BRIP1: variants seen among roughly 807,000 people sequenced by gnomAD.
BRIP1 encodes the protein Fanconi anemia group J protein.
BRIP1 carries 88 observed loss-of-function variants against 119.7 expected under a neutral mutation model. The observed-to-expected ratio is 0.74, with a 90% CI of 0.62 to 0.88. The LOEUF is 0.88. Ranked by LOEUF, BRIP1 falls within the 40% of genes least tolerant of loss-of-function variation. The probability of loss-of-function intolerance (pLI) is 0.00; values close to 1 mark genes in which losing one functional copy is unlikely to be tolerated. For missense variants in BRIP1, 1,259 were observed against 1,455.4 expected (o/e 0.87, Z 2.20); for synonymous variants, 443 against 496.5 (o/e 0.89, Z 1.43).
rs896678468 is a variant in BRIP1 at position 61,746,357 on chromosome 17, C to T, written c.2098-1766G>A. Among the ~76,000 whole-genome samples, 5 of 152,026 alleles carry T rather than the reference C, an allele frequency of 3.3e-5. No homozygotes were observed. The highest frequency in any genetic ancestry group is 2.1e-4 in the South Asian group (1 of 4,816). On this transcript the variant is annotated intron_variant, in intron 14 of 19. Coordinates refer to ENST00000259008, the MANE Select transcript of BRIP1 (RefSeq NM_032043.3). This position sits in a 1 kb window ranked among gnomAD's most constrained non-coding sequence, Gnocchi z 4.9. The stretch of plus-strand genomic sequence containing the variant: ...AAATGATAATAATGTCTTTCCCTAT[C>T]GGTCATTACTTTAAATGTAAATGGA...
intron 10 of BRIP1, among the ~76,000 whole-genome samples, chr17:61,792,452 T>C (rs1444089697): frequency 6.6e-6 from 1 of 152,160 alleles, no homozygotes; most frequent in East Asian, 1.9e-4. Context: ...GGATAAACTG[T>C]GGTACATCCA....
At position 61,857,067 on chromosome 17, in the gene BRIP1, T is replaced by C. The variant is rs45617634; in HGVS notation, c.370A>G (p.Thr124Ala). 1.7e-5 allele frequency: 28 copies of C among 1,614,044 alleles called. 1 individual carries two copies. Among genetic ancestry groups the C allele is most frequent in the Admixed American group, 8.3e-5 (5 of 60,026 alleles). Reference protein sequence around the residue: ...PPSERNGTSSTCQDSPEKTTL... With the variant: ...PPSERNGTSSACQDSPEKTTL... ...GCAAAATATAAATTACCTTGACAAG[T>C]TGATGAAGTGCCATTTCTTTCAGAA... Residue 124 changes from threonine (T) to alanine (A), a missense_variant, in exon 4 of 20, where the codon ACT (threonine) becomes GCT (alanine). Transcript: ENST00000259008. The surrounding 1 kb of genome is among the most constrained non-coding windows in gnomAD (Gnocchi z 5.1).
chr17:61,697,503 G>A (rs998186100), intron 17 of BRIP1, among the ~76,000 whole-genome samples: 1 of 151,720 alleles, frequency 6.6e-6, no homozygotes, highest in Non-Finnish European at 1.5e-5. Context: ...TTTCTGTAAG[G>A]TAGTAACATC....
rs2144303806 is a variant in BRIP1, at chr17:61,706,667, C to A, written c.2492+9284G>T. 1.3e-5 allele frequency among the ~76,000 whole-genome samples: 2 copies of A among 152,242 alleles called. No homozygotes were observed. Among genetic ancestry groups the A allele is most frequent in the Middle Eastern group, 3.4e-3 (1 of 294 alleles). On this transcript the variant is annotated intron_variant, in intron 17 of 19. Coordinates refer to ENST00000259008, the MANE Select transcript of BRIP1 (RefSeq NM_032043.3). This position sits in a 1 kb window ranked among gnomAD's most constrained non-coding sequence, Gnocchi z 5.7. ...TCTCTCCTGTGGAAGATGTTTATTT[C>A]TCTTATACCACTGATACTTCACCAT...
rs1355813590 is a variant in BRIP1 at position 61,684,320 on chromosome 17, T to G, written c.2906-180A>C. 2.0e-5 allele frequency among the ~76,000 whole-genome samples: 3 copies of G among 152,234 alleles called. No individual in the cohort carries two copies. Among genetic ancestry groups the G allele is most frequent in the African/African-American group, 7.2e-5 (3 of 41,460 alleles). On this transcript the variant is annotated intron_variant, in intron 19 of 19. Transcript: ENST00000259008. This position sits in a 1 kb window ranked among gnomAD's most constrained non-coding sequence, Gnocchi z 4.5. ...AGAATATTAACTCTGAAAGAAATCT[T>G]AGGTCTCTAATGTTTCCTAGCCCAA...
rs1446010854 is a variant in BRIP1 at position 61,809,156 on chromosome 17, C to T, written c.628-399G>A. Among the ~76,000 whole-genome samples, 1 of 152,152 alleles carries T rather than the reference C, an allele frequency of 6.6e-6. No homozygotes were observed. Among genetic ancestry groups the T allele is most frequent in the East Asian group, 1.9e-4 (1 of 5,196 alleles). On this transcript the variant is annotated intron_variant, in intron 6 of 19. Coordinates refer to ENST00000259008, the MANE Select transcript of BRIP1 (RefSeq NM_032043.3). This position sits in a 1 kb window ranked among gnomAD's most constrained non-coding sequence, Gnocchi z 5.2. ...AGTTTAGAGTTAATAGTTTTGTTCACAGCATAGTTCATTCAAATATTCCTT... is the reference window on the plus strand; with the variant it reads ...AGTTTAGAGTTAATAGTTTTGTTCATAGCATAGTTCATTCAAATATTCCTT...
chr17:61,788,929 A>AT (rs2077774133), intron 10 of BRIP1, among the ~76,000 whole-genome samples: 1 of 152,056 alleles, frequency 6.6e-6, no homozygotes, highest in Non-Finnish European at 1.5e-5. Context: ...GCCCGTCTCT[A>AT]CAAAAAAATA....
intron 6 of BRIP1, among the ~76,000 whole-genome samples, chr17:61,836,619 T>C (rs1158587612): frequency 6.6e-6 from 1 of 152,188 alleles, no homozygotes; most frequent in Non-Finnish European, 1.5e-5. Context: ...TGCCAGATGC[T>C]GGTTATAAAA....
At chr17:61,811,468 C>T (rs1343094548) in intron 6 of BRIP1, among the ~76,000 whole-genome samples, 1 of 151,862 alleles carries the variant, frequency 6.6e-6, no homozygotes, top group Non-Finnish European at 1.5e-5. Context: ...GGTGATCCGC[C>T]TGCATCGGCC....
Position 61,726,697 on chromosome 17 carries a change from T to C in BRIP1, c.2380-10634A>G, listed in dbSNP as rs928477107. 2.0e-5 allele frequency among the ~76,000 whole-genome samples: 3 copies of C among 152,312 alleles called. No homozygotes were observed. Among genetic ancestry groups the C allele is most frequent in the Middle Eastern group, 3.4e-3 (1 of 294 alleles). On this transcript the variant is annotated intron_variant, in intron 16 of 19. Transcript: ENST00000259008. The surrounding 1 kb of genome is among the most constrained non-coding windows in gnomAD (Gnocchi z 6.2). ...GTTTTGAAACAAATATTTTAAAAAA[T>C]AACTTCTACAATTGATCTTAAATTT...
intron 14 of BRIP1, among the ~76,000 whole-genome samples, chr17:61,765,378 A>AT (rs1461765885): frequency 2.7e-5 from 1 of 36,594 alleles, no homozygotes; most frequent in East Asian, 1.2e-3. Context: ...GTGTGTATAT[A>AT]TTATATATAT....
At chr17:61,819,513 T>C (rs1208181319) in intron 6 of BRIP1, among the ~76,000 whole-genome samples, 3 of 152,194 alleles carry the variant, frequency 2.0e-5, no homozygotes, top group Admixed American at 1.3e-4. Context: ...ATGAAGAGAA[T>C]GTGGCACATA....
intron 6 of BRIP1, among the ~76,000 whole-genome samples, chr17:61,830,174 T>TA (rs1393976457): frequency 2.0e-5 from 3 of 151,884 alleles, no homozygotes; most frequent in East Asian, 3.9e-4. Flanking sequence ...CCTCAGGTGA[T>TA]ACGCTCGCCT....
At position 61,841,253 on chromosome 17, in the gene BRIP1, G is replaced by A. The variant is rs974076122; in HGVS notation, c.627+5848C>T. Among the ~76,000 whole-genome samples, 1 of 151,710 alleles carries A rather than the reference G, an allele frequency of 6.6e-6. No homozygotes were observed. Among genetic ancestry groups the A allele is most frequent in the Admixed American group, 6.6e-5 (1 of 15,236 alleles). On this transcript the variant is annotated intron_variant, in intron 6 of 19. Transcript: ENST00000259008. This position sits in a 1 kb window ranked among gnomAD's most constrained non-coding sequence, Gnocchi z 4.1. The stretch of plus-strand genomic sequence containing the variant: ...ACTAAAAAGCTTCTGCACAGCAAAG[G>A]AAACAACAGAGTATAGAGACAACCT...
rs1488290336 is a variant in BRIP1, at chr17:61,834,352, C to A, written c.627+12749G>T. ...TACAGGGGTTGAGCTCTGTACAACA[C>A]CTGATTGCAGGAGTGAGCCACCACG... On this transcript the variant is annotated intron_variant, in intron 6 of 19. Coordinates refer to ENST00000259008, the MANE Select transcript of BRIP1 (RefSeq NM_032043.3). This position sits in a 1 kb window ranked among gnomAD's most constrained non-coding sequence, Gnocchi z 4.4. Among the ~76,000 whole-genome samples, 1 of 151,996 alleles carries A rather than the reference C, an allele frequency of 6.6e-6. No individual in the cohort carries two copies. Among genetic ancestry groups the A allele is most frequent in the African/African-American group, 2.4e-5 (1 of 41,356 alleles).
At chr17:61,737,463 A>C (rs1278974826) in intron 16 of BRIP1, among the ~76,000 whole-genome samples, 1 of 152,212 alleles carries the variant, frequency 6.6e-6, no homozygotes, top group Admixed American at 6.5e-5. Flanking sequence ...GCAAATATGC[A>C]TGATGTTGGA....
At chr17:61,819,272 C>G (rs1460897701) in intron 6 of BRIP1, among the ~76,000 whole-genome samples, 1 of 151,740 alleles carries the variant, frequency 6.6e-6, no homozygotes, top group African/African-American at 2.4e-5. Flanking sequence ...CCTCATACAC[C>G]GTTGGTGGGA....
rs2078990353 is a variant in BRIP1, at chr17:61,862,894, A to T, written c.-31+390T>A. On this transcript the variant is annotated intron_variant, in intron 1 of 19. Coordinates refer to ENST00000259008, the MANE Select transcript of BRIP1 (RefSeq NM_032043.3). This position sits in a 1 kb window ranked among gnomAD's most constrained non-coding sequence, Gnocchi z 5.3. ...GCGATTCTATCTGTAAAGCTCTGAGAATGAGGTATGGTGGAATCTAACCTC... is the reference window on the plus strand; with the variant it reads ...GCGATTCTATCTGTAAAGCTCTGAGTATGAGGTATGGTGGAATCTAACCTC... Among the ~76,000 whole-genome samples the T allele has an allele frequency of 6.6e-6, 1 of 152,164 alleles. No individual in the cohort carries two copies. The highest frequency in any genetic ancestry group is 2.4e-5 in the African/African-American group (1 of 41,442).
At chr17:61,702,365 TTATTTTGTCACCCAGGTAAAAAGCAGCA>T (rs1326444297) in intron 17 of BRIP1, among the ~76,000 whole-genome samples, 10 of 152,178 alleles carry the variant, frequency 6.6e-5, no homozygotes, top group Non-Finnish European at 1.0e-4. Context: ...TTAGGACCGA[TTATTTTGTCACCCAGGTAAAAAGCAGCA>T]TAGTATCCAA....
Sources: gnomAD v4.1 joint callset for allele counts (sites outside exome capture counted in the v4.1 genomes callset) on GRCh38, gnomAD v4.1.1 for gene constraint, Gnocchi (gnomAD v3.1) non-coding constraint, MANE v1.5 for transcripts, NCBI Gene and HGNC (gene_info 2026-07-23, HGNC 2026-07-21) for gene names.